RBFOX1: variants seen among roughly 807,000 people sequenced by gnomAD.
RBFOX1 encodes the protein RNA binding protein fox-1 homolog 1.
Under a neutral mutation model 57.7 loss-of-function variants are expected in RBFOX1, and 8 were observed. The ratio of observed to expected loss-of-function variants is 0.14; its 90% CI spans 0.08 to 0.25. RBFOX1 has a LOEUF of 0.25. Ranked by LOEUF, RBFOX1 falls within the 10% of genes least tolerant of loss-of-function variation. The pLI is 1.00. For synonymous variants in RBFOX1, 326 were observed against 222.4 expected (o/e 1.47, Z -4.15); for missense variants, 611 against 548.5 (o/e 1.11, Z -1.14).
At chr16:6,168,809 A>C (rs1268985709) in intron 1 of RBFOX1, among the ~76,000 whole-genome samples, 1 of 141,362 alleles carries the variant, frequency 7.1e-6, no homozygotes, top group African/African-American at 2.6e-5. Context: ...TGGTTCTTTC[A>C]CTTTTTTACT....
chr16:7,168,356 T>G (rs1436499086), intron 4 of RBFOX1, among the ~76,000 whole-genome samples: 1 of 152,110 alleles, frequency 6.6e-6, no homozygotes, highest in Non-Finnish European at 1.5e-5. Context: ...TGATATGTGC[T>G]AGGGTGCAGA....
intron 3 of RBFOX1, among the ~76,000 whole-genome samples, chr16:5,816,697 T>C (rs2151794156): frequency 6.6e-6 from 1 of 152,186 alleles, no homozygotes; most frequent in South Asian, 2.1e-4. Flanking sequence ...GGTGGGAGGA[T>C]TGTTTGAGCC....
At position 5,979,394 on chromosome 16, in the gene RBFOX1, C is replaced by A. The variant is rs138860743; in HGVS notation, c.351+112059C>A. Among the ~76,000 whole-genome samples the A allele has an allele frequency of 2.0e-5, 3 of 152,254 alleles. No individual in the cohort carries two copies. In the East Asian group the frequency reaches 5.8e-4, roughly 29 times the overall value. ...TCAAAATTTGTTATTTTGTTATTTC[C>A]TTCTTTTTATCTCAAGAGAGGAAAC... On this transcript the variant is annotated intron_variant, in intron 4 of 19. Coordinates refer to the RBFOX1 transcript ENST00000641259.
At chr16:6,221,858 C>T (rs530758410) in intron 1 of RBFOX1, among the ~76,000 whole-genome samples, 2 of 152,144 alleles carry the variant, frequency 1.3e-5, no homozygotes, top group Non-Finnish European at 2.9e-5. Context: ...CCAGTTTTCT[C>T]CATTTTGTAC....
intron 3 of RBFOX1, among the ~76,000 whole-genome samples, chr16:7,048,898 C>G (rs1208332676): frequency 6.6e-6 from 1 of 152,144 alleles, no homozygotes; most frequent in East Asian, 1.9e-4. Flanking sequence ...TTGTTGCATT[C>G]AGGCTGAAAG....
At chr16:5,982,817 C>G (rs1327925016) in intron 4 of RBFOX1, among the ~76,000 whole-genome samples, 1 of 152,166 alleles carries the variant, frequency 6.6e-6, no homozygotes, top group East Asian at 1.9e-4. Context: ...ACGTAAATAC[C>G]TGGAATGTGG....
chr16:7,253,733 G>T (rs899738724), intron 4 of RBFOX1, among the ~76,000 whole-genome samples: 1 of 152,092 alleles, frequency 6.6e-6, no homozygotes, highest in Non-Finnish European at 1.5e-5. Context: ...ATTCTGTGTC[G>T]ATCTATGGAG....
chr16:5,349,588 G>A (rs1178823066), intron 1 of RBFOX1, among the ~76,000 whole-genome samples: 8 of 132,416 alleles, frequency 6.0e-5, no homozygotes, highest in East Asian at 2.2e-4. Context: ...CAGGAGAATC[G>A]CTTGAAACAG....
At chr16:7,106,124 G>A (rs772399227) in intron 4 of RBFOX1, among the ~76,000 whole-genome samples, 41 of 152,174 alleles carry the variant, frequency 2.7e-4, no homozygotes, top group African/African-American at 7.9e-4. Context: ...CTCCTTTACC[G>A]TGAATCTATA....
At chr16:5,664,346 G>A (rs1389027601) in intron 3 of RBFOX1, among the ~76,000 whole-genome samples, 2 of 152,178 alleles carry the variant, frequency 1.3e-5, no homozygotes, top group Admixed American at 6.5e-5. Context: ...TTGAGAGATC[G>A]AGACCATACT....
intron 3 of RBFOX1, among the ~76,000 whole-genome samples, chr16:6,993,920 G>C (rs2091893087): frequency 6.6e-6 from 1 of 152,138 alleles, no homozygotes; most frequent in South Asian, 2.1e-4. Flanking sequence ...ATTGATTGTA[G>C]CCAATAAGTG....
intron 2 of RBFOX1, among the ~76,000 whole-genome samples, chr16:6,465,482 G>A (rs531907766): frequency 3.3e-5 from 5 of 152,166 alleles, no homozygotes; most frequent in South Asian, 4.2e-4. Context: ...GACTCAGCTC[G>A]TGGGTTCCTA....
chr16:6,484,729 C>G (rs926073869), intron 2 of RBFOX1, among the ~76,000 whole-genome samples: 1 of 152,078 alleles, frequency 6.6e-6, no homozygotes, highest in Non-Finnish European at 1.5e-5. Context: ...TAAGAGGGCT[C>G]CAAGCAGAAT....
In RBFOX1 at chr16:6,946,981, T is replaced by C. The variant is rs1177595289; in HGVS notation, c.-15-105076T>C. Among the ~76,000 whole-genome samples, 4 of 152,192 alleles carry C rather than the reference T, an allele frequency of 2.6e-5. No individual in the cohort carries two copies. In the South Asian group the frequency reaches 6.2e-4, roughly 24 times the overall value. On this transcript the variant is annotated intron_variant, in intron 3 of 15. Coordinates refer to ENST00000550418, the MANE Select transcript of RBFOX1 (RefSeq NM_018723.4). ...TTGAATGTGTATTTGAATCCCAGCCTGACCAGTTTCCTAGCCCTGTTGGGT... is the reference window on the plus strand; with the variant it reads ...TTGAATGTGTATTTGAATCCCAGCCCGACCAGTTTCCTAGCCCTGTTGGGT...
chr16:7,455,225 A>G (rs1046998658), intron 4 of RBFOX1, among the ~76,000 whole-genome samples: 3 of 152,234 alleles, frequency 2.0e-5, no homozygotes, highest in African/African-American at 7.2e-5. Flanking sequence ...TTCTAGCTAA[A>G]TAAGTGGTGG....
At position 6,997,304 on chromosome 16, in the gene RBFOX1, T is replaced by C. The variant is rs536399832; in HGVS notation, c.-15-54753T>C. On this transcript the variant is annotated intron_variant, in intron 3 of 15. Transcript: ENST00000550418. ...GTCTGCCACCAATACATGTTTATATTTGTTAAAATAACATACTTATCAGTA... is the reference window on the plus strand; with the variant it reads ...GTCTGCCACCAATACATGTTTATATCTGTTAAAATAACATACTTATCAGTA... 3.9e-5 allele frequency among the ~76,000 whole-genome samples: 6 copies of C among 152,292 alleles called. No individual in the cohort carries two copies. The South Asian group carries it at 1.0e-3, about 26-fold the overall frequency.
At chr16:6,723,214 C>G (rs1026200125) in intron 3 of RBFOX1, among the ~76,000 whole-genome samples, 1 of 152,188 alleles carries the variant, frequency 6.6e-6, no homozygotes, top group African/African-American at 2.4e-5. Flanking sequence ...TTGGGGTTTA[C>G]ATTGTGGCTT....
intron 2 of RBFOX1, among the ~76,000 whole-genome samples, chr16:6,530,974 C>A (rs2096649860): frequency 6.6e-6 from 1 of 152,284 alleles, no homozygotes; most frequent in East Asian, 1.9e-4. Flanking sequence ...CAATCACCTC[C>A]CTTCCTGGTG....
chr16:6,747,293 G>T (rs911468490), intron 3 of RBFOX1, among the ~76,000 whole-genome samples: 1 of 152,096 alleles, frequency 6.6e-6, no homozygotes, highest in Non-Finnish European at 1.5e-5. Flanking sequence ...TGAAATCCCA[G>T]CTACTCAAGA....
Sources: gnomAD v4.1 joint callset for allele counts (sites outside exome capture counted in the v4.1 genomes callset) on GRCh38, gnomAD v4.1.1 for gene constraint, MANE v1.5 for transcripts, NCBI Gene and HGNC (gene_info 2026-07-23, HGNC 2026-07-21) for gene names.